FIG4: variants seen among roughly 807,000 people sequenced by gnomAD.
The protein encoded by FIG4 is polyphosphoinositide phosphatase.
In FIG4, 112 loss-of-function variants were observed where a neutral mutation model predicts 118.6. The observed-to-expected ratio is 0.94, with a 90% CI of 0.81 to 1.11. The LOEUF (loss-of-function observed/expected upper bound fraction) is 1.11. Ranked by LOEUF, FIG4 falls within the 50% of genes least tolerant of loss-of-function variation. The probability of loss-of-function intolerance (pLI) is 0.00; values close to 1 mark genes in which losing one functional copy is unlikely to be tolerated. For missense variants in FIG4, 969 were observed against 1,111.7 expected (o/e 0.87, Z 1.83); for synonymous variants, 369 against 381.2 (o/e 0.97, Z 0.37).
chr6:109,821,371 A>G (rs149397336), intron 22 of FIG4, among the ~76,000 whole-genome samples: 29 of 152,352 alleles, frequency 1.9e-4, no homozygotes, highest in Non-Finnish European at 3.8e-4. Context: ...CACAATAAGC[A>G]ACAGAAAAGT....
intron 10 of FIG4, among the ~76,000 whole-genome samples, chr6:109,748,895 T>C (rs892235926): frequency 6.6e-6 from 1 of 152,034 alleles, no homozygotes; most frequent in Non-Finnish European, 1.5e-5. Flanking sequence ...ACCAGATCCC[T>C]CCACAACACG....
In FIG4 at chr6:109,765,227, A is replaced by AT. The variant is rs1777246516; in HGVS notation, c.1583+73dup. ...GAAGGCAAACCTGGTTACTAATAAG[A>AT]TTTTTTTATGAAAGCGTTTCTACTT... On this transcript the variant is annotated intron_variant, in intron 14 of 22. Transcript: ENST00000230124. The AT allele has an allele frequency of 3.6e-6, 5 of 1,374,114 alleles. No homozygotes were observed. The Admixed American group carries it at 5.1e-5, about 14-fold the overall frequency. 85.1% of individuals were successfully genotyped at this position (1,374,114 alleles called of 1,614,324 possible). A position where few individuals can be genotyped will look rare whatever the true frequency, so the allele number is the denominator to read the frequency against.
In FIG4 at chr6:109,825,304, CT is replaced by C; in HGVS notation, c.*41del. On this transcript the variant is annotated 3_prime_UTR_variant, in exon 23 of 23. Transcript: ENST00000230124. Reference sequence around the variant, plus strand: ...CCACCTGGTGGACACGTCTGATTAGCTTAGAACCTGTCTTGTCTCATCTTCA... The same window carrying C: ...CCACCTGGTGGACACGTCTGATTAGCTAGAACCTGTCTTGTCTCATCTTCA... 6.3e-7 allele frequency: 1 copy of C among 1,578,532 alleles called. No homozygotes were observed. The highest frequency in any genetic ancestry group is 8.7e-7 in the Non-Finnish European group (1 of 1,148,086).
intron 1 of FIG4, among the ~76,000 whole-genome samples, chr6:109,698,130 C>T (rs11964742): frequency 0.021 from 3,193 of 151,872 alleles, 100 homozygotes; most frequent in African/African-American, 0.074. Context: ...CCTTGTGATC[C>T]GCCCGCCTCA....
chr6:109,761,051 C>T (rs1317991096), intron 11 of FIG4, among the ~76,000 whole-genome samples: 1 of 152,156 alleles, frequency 6.6e-6, no homozygotes, highest in Non-Finnish European at 1.5e-5. Context: ...TGTAGGTTTA[C>T]TTAAGGTCTT....
intron 11 of FIG4, among the ~76,000 whole-genome samples, chr6:109,761,486 C>T (rs1040014760): frequency 6.6e-6 from 1 of 152,118 alleles, no homozygotes; most frequent in Non-Finnish European, 1.5e-5. Flanking sequence ...CCCGGGTTCA[C>T]GCCATTCTCC....
At chr6:109,707,998 T>TG (rs1775141495) in intron 1 of FIG4, among the ~76,000 whole-genome samples, 1 of 151,906 alleles carries the variant, frequency 6.6e-6, no homozygotes, top group Non-Finnish European at 1.5e-5. Context: ...TATTCTTTTT[T>TG]TTTTTTTTAC....
At chr6:109,762,400 A>T (rs894204942) in intron 12 of FIG4, among the ~76,000 whole-genome samples, 193 bp downstream of exon 12, 5 of 151,878 alleles carry the variant, frequency 3.3e-5, no homozygotes, top group African/African-American at 1.2e-4. Flanking sequence ...ATACCTTGAG[A>T]TGTAAGCCAT....
rs190273649 is a variant in FIG4, at chr6:109,737,486, G to A, written c.647-839G>A. Among the ~76,000 whole-genome samples, 3 of 152,222 alleles carry A rather than the reference G, an allele frequency of 2.0e-5. No individual in the cohort carries two copies. The East Asian group carries it at 5.8e-4, about 29-fold the overall frequency. On this transcript the variant is annotated intron_variant, in intron 6 of 22. Transcript: ENST00000230124. ...TCTCGTGTAATGCATTGAAAGGGCA[G>A]AGAAAGTTTAGCTTTTATGAATCAA...
At chr6:109,767,628 T>A (rs1325916010) in intron 15 of FIG4, among the ~76,000 whole-genome samples, 1 of 152,176 alleles carries the variant, frequency 6.6e-6, no homozygotes, top group Admixed American at 6.5e-5. Flanking sequence ...CCCAGCACTT[T>A]GGGAGGCCGA....
intron 15 of FIG4, among the ~76,000 whole-genome samples, chr6:109,769,797 T>A (rs1166262348): frequency 1.3e-5 from 2 of 152,234 alleles, no homozygotes; most frequent in East Asian, 3.9e-4. Flanking sequence ...TGCACACCTG[T>A]AGTCCCAGCT....
chr6:109,760,079 C>T (rs1351265767), intron 10 of FIG4, among the ~76,000 whole-genome samples, 171 bp from the exon 11 acceptor site: 1 of 152,084 alleles, frequency 6.6e-6, no homozygotes, highest in Non-Finnish European at 1.5e-5. Flanking sequence ...TACAATGGAG[C>T]ATTTATTTCT....
At chr6:109,755,238 T>C (rs1237118851) in intron 10 of FIG4, among the ~76,000 whole-genome samples, 1 of 152,254 alleles carries the variant, frequency 6.6e-6, no homozygotes, top group Non-Finnish European at 1.5e-5. Context: ...TCCATGTAGT[T>C]GAGCGGTTTT....
chr6:109,712,497 C>G (rs958087701), intron 1 of FIG4, among the ~76,000 whole-genome samples: 2 of 152,124 alleles, frequency 1.3e-5, no homozygotes, highest in Non-Finnish European at 2.9e-5. Flanking sequence ...AGCCAGTCTT[C>G]AAGCTCTGAG....
At chr6:109,740,881 A>G (rs531743864) in intron 7 of FIG4, among the ~76,000 whole-genome samples, 1 of 152,216 alleles carries the variant, frequency 6.6e-6, no homozygotes, top group East Asian at 1.9e-4. Context: ...ACTTACAATC[A>G]TGGTGGAAGG....
At chr6:109,700,564 T>C (rs1774875587) in intron 1 of FIG4, among the ~76,000 whole-genome samples, 1 of 152,230 alleles carries the variant, frequency 6.6e-6, no homozygotes. Context: ...ATTCTTATTT[T>C]GGTTGGTGGG....
At chr6:109,770,359 G>GTA (rs200102978) in intron 15 of FIG4, among the ~76,000 whole-genome samples, 29 of 148,306 alleles carry the variant, frequency 2.0e-4, no homozygotes, top group African/African-American at 7.4e-4. Context: ...GTGTGTGTGT[G>GTA]TATATATATG....
intron 22 of FIG4, among the ~76,000 whole-genome samples, chr6:109,812,477 T>C (rs1330051875): frequency 6.6e-6 from 1 of 152,124 alleles, no homozygotes; most frequent in Non-Finnish European, 1.5e-5. Context: ...CATGGGTGCT[T>C]TCTGAATTGT....
At chr6:109,815,009 ATATAT>A (rs1337131138) in intron 22 of FIG4, among the ~76,000 whole-genome samples, 7 of 151,784 alleles carry the variant, frequency 4.6e-5, no homozygotes, top group Non-Finnish European at 1.0e-4. Context: ...TATCTATTTT[ATATAT>A]TATATCAAAT....
Sources: allele counts gnomAD v4.1 joint callset (sites outside exome capture counted in the v4.1 genomes callset), GRCh38; gene constraint gnomAD v4.1.1; transcripts MANE v1.5; gene names NCBI Gene and HGNC (gene_info 2026-07-23, HGNC 2026-07-21).